ELOVL5: variants seen among roughly 807,000 people sequenced by gnomAD.
The protein encoded by ELOVL5 is ELOVL fatty acid elongase 5.
Under a neutral mutation model 38.6 loss-of-function variants are expected in ELOVL5, and 8 were observed. The observed-to-expected ratio is 0.21, with a 90% confidence interval of 0.12 to 0.37. The LOEUF is 0.37. Among genes scored for constraint, ELOVL5 ranks in the 10% least tolerant of loss-of-function variants. The pLI, the probability that ELOVL5 is intolerant of heterozygous loss-of-function variation, is 1.00. For missense variants in ELOVL5, 280 were observed against 367.8 expected (o/e 0.76, Z 1.95); for synonymous variants, 127 against 133.7 (o/e 0.95, Z 0.34).
chr6:53,309,737 A>C (rs1484204925), intron 1 of ELOVL5, among the ~76,000 whole-genome samples: 2 of 152,222 alleles, frequency 1.3e-5, no homozygotes, highest in Non-Finnish European at 2.9e-5. Flanking sequence ...TAGGACCACT[A>C]GCTCTGGGGG....
At chr6:53,321,794 T>C (rs1260155561) in intron 1 of ELOVL5, among the ~76,000 whole-genome samples, 2 of 152,192 alleles carry the variant, frequency 1.3e-5, no homozygotes, top group Non-Finnish European at 2.9e-5. Flanking sequence ...ATATATACAC[T>C]GAAAATTTGT....
intron 1 of ELOVL5, among the ~76,000 whole-genome samples, chr6:53,320,056 G>A (rs1768233735): frequency 6.6e-6 from 1 of 152,126 alleles, no homozygotes; most frequent in African/African-American, 2.4e-5. Flanking sequence ...GCTCATGCCT[G>A]TAATCCCACC....
chr6:53,269,402 C>G (rs1222803889), intron 7 of ELOVL5, 132 bp from the exon 8 acceptor site: 1 of 590,572 alleles, frequency 1.7e-6, no homozygotes, highest in Non-Finnish European at 2.7e-6. Flanking sequence ...CTCCTGAGGT[C>G]AAGTCCTCAT....
At chr6:53,286,700 CAT>C (rs1491336562) in intron 3 of ELOVL5, among the ~76,000 whole-genome samples, 1 of 152,010 alleles carries the variant, frequency 6.6e-6, no homozygotes, top group African/African-American at 2.4e-5. Flanking sequence ...CTATAATTAA[CAT>C]AATTATAATT....
intron 1 of ELOVL5, among the ~76,000 whole-genome samples, chr6:53,328,161 C>T (rs556584257): frequency 2.6e-5 from 4 of 152,194 alleles, no homozygotes; most frequent in Non-Finnish European, 5.9e-5. Context: ...ATTGCACTGC[C>T]CAATGAGACA....
At chr6:53,313,824 A>G (rs1247106869) in intron 1 of ELOVL5, among the ~76,000 whole-genome samples, 1 of 152,236 alleles carries the variant, frequency 6.6e-6, no homozygotes, top group Non-Finnish European at 1.5e-5. Context: ...CAGCACTTTT[A>G]CAATGTGCAG....
chr6:53,294,367 A>G (rs1766905197), intron 2 of ELOVL5: 1 of 1,567,896 alleles, frequency 6.4e-7, no homozygotes, highest in African/African-American at 1.4e-5. Flanking sequence ...CAACTTCTTT[A>G]TGCTTAAAAC....
In ELOVL5 at chr6:53,275,319, C is replaced by T. The variant is rs540670154; in HGVS notation, c.325-58G>A. 1.3e-5 allele frequency: 20 copies of T among 1,551,952 alleles called. No individual in the cohort carries two copies. The South Asian group carries it at 2.2e-4, about 17-fold the overall frequency. ...TCCTCACGGCTTCTCTGGAATATCA[C>T]CTCTGACATGTTTCACTAATATCCA... On this transcript the variant is annotated intron_variant, in intron 4 of 7. Transcript: ENST00000304434.
chr6:53,284,940 C>T (rs1178415075), intron 3 of ELOVL5, among the ~76,000 whole-genome samples: 1 of 152,168 alleles, frequency 6.6e-6, no homozygotes, highest in African/African-American at 2.4e-5. Flanking sequence ...TTTAGCTGCT[C>T]CACAGACTTG....
At chr6:53,315,641 C>G (rs923919466) in intron 1 of ELOVL5, among the ~76,000 whole-genome samples, 2 of 152,074 alleles carry the variant, frequency 1.3e-5, no homozygotes, top group Non-Finnish European at 2.9e-5. Context: ...TCTTAAATTT[C>G]CGGGGGTTCC....
chr6:53,288,164 G>A (rs557997539), intron 3 of ELOVL5, among the ~76,000 whole-genome samples: 1 of 152,148 alleles, frequency 6.6e-6, no homozygotes, highest in Non-Finnish European at 1.5e-5. Context: ...GGCAGAGTGA[G>A]GGAAAGCCAC....
chr6:53,331,636 G>A (rs1016280030), intron 1 of ELOVL5, among the ~76,000 whole-genome samples: 1 of 152,162 alleles, frequency 6.6e-6, no homozygotes, highest in Non-Finnish European at 1.5e-5. Flanking sequence ...GTTATGCAGT[G>A]TATGACTAAA....
chr6:53,330,829 T>C (rs209509), intron 1 of ELOVL5, among the ~76,000 whole-genome samples: 80,800 of 151,600 alleles, frequency 0.53, 22,738 homozygotes, highest in Non-Finnish European at 0.62. Flanking sequence ...ACTTTTTTTT[T>C]CCTTAAACAC....
intron 2 of ELOVL5, among the ~76,000 whole-genome samples, chr6:53,293,753 T>G (rs1229192742): frequency 6.6e-6 from 1 of 152,218 alleles, no homozygotes; most frequent in African/African-American, 2.4e-5. Flanking sequence ...AGTCTTCCTT[T>G]CTTGCACTGT....
At chr6:53,308,499 G>T (rs1767695716) in intron 1 of ELOVL5, among the ~76,000 whole-genome samples, 2 of 152,176 alleles carry the variant, frequency 1.3e-5, no homozygotes. Context: ...TGACTTTCTA[G>T]AGTTTCATAT....
intron 1 of ELOVL5, among the ~76,000 whole-genome samples, chr6:53,332,529 G>A (rs1768848153): frequency 1.3e-5 from 2 of 152,208 alleles, no homozygotes; most frequent in African/African-American, 4.8e-5. Context: ...AAATGCTGAA[G>A]TGTTATACAT....
intron 1 of ELOVL5, among the ~76,000 whole-genome samples, chr6:53,346,234 C>G (rs1344761331): frequency 2.0e-5 from 3 of 152,174 alleles, no homozygotes; most frequent in Admixed American, 2.0e-4. Context: ...CTGCAAAAGA[C>G]ACGAACTCAT....
At chr6:53,290,958 T>A (rs1267905725) in intron 3 of ELOVL5, among the ~76,000 whole-genome samples, 1 of 152,144 alleles carries the variant, frequency 6.6e-6, no homozygotes, top group Non-Finnish European at 1.5e-5. Flanking sequence ...TATCCAGGGC[T>A]TAATTCTCCA....
intron 1 of ELOVL5, among the ~76,000 whole-genome samples, chr6:53,338,921 G>A (rs1769201825): frequency 6.6e-6 from 1 of 152,196 alleles, no homozygotes. Context: ...AGACGGTGGA[G>A]AAACATAATA....
Sources: gnomAD v4.1 joint callset for allele counts (sites outside exome capture counted in the v4.1 genomes callset) on GRCh38, gnomAD v4.1.1 for gene constraint, MANE v1.5 for transcripts, NCBI Gene and HGNC (gene_info 2026-07-23, HGNC 2026-07-21) for gene names.